PSIP1: variants seen among roughly 807,000 people sequenced by gnomAD.
PSIP1 encodes PC4 and SRSF1 interacting protein 1.
In PSIP1, 19 loss-of-function variants were observed where a neutral mutation model predicts 74.7. The observed-to-expected ratio is 0.25, with a 90% CI of 0.18 to 0.37. PSIP1 has a LOEUF of 0.37. Among genes scored for constraint, PSIP1 ranks in the 10% least tolerant of loss-of-function variants. PSIP1 has a pLI of 1.00. For synonymous variants in PSIP1, 222 were observed against 195.3 expected (o/e 1.14, Z -1.14); for missense variants, 601 against 614.3 (o/e 0.98, Z 0.23).
At chr9:15,503,425 G>A (rs2037436839) in intron 3 of PSIP1, among the ~76,000 whole-genome samples, 1 of 152,014 alleles carries the variant, frequency 6.6e-6, no homozygotes, top group South Asian at 2.1e-4. Context: ...GGGAGGCTAA[G>A]GCAGGAGGAT....
At chr9:15,479,840 G>C (rs2036259584) in intron 6 of PSIP1, among the ~76,000 whole-genome samples, 153 bp from the exon 7 acceptor site, 1 of 151,892 alleles carries the variant, frequency 6.6e-6, no homozygotes, top group Admixed American at 6.6e-5. Context: ...ATCAACTCAA[G>C]AGTAACATCT....
At chr9:15,470,129 C>T in intron 10 of PSIP1, 136 bp from the exon 11 acceptor site, 1 of 668,142 alleles carries the variant, frequency 1.5e-6, no homozygotes, top group South Asian at 1.8e-5. Context: ...GACTGTAGCT[C>T]TTAGAATGGT....
At chr9:15,477,794 A>T (rs1426659673) in intron 8 of PSIP1, among the ~76,000 whole-genome samples, 1 of 152,104 alleles carries the variant, frequency 6.6e-6, no homozygotes, top group Non-Finnish European at 1.5e-5. Flanking sequence ...ACATACAAAA[A>T]TTATTTTAGC....
At chr9:15,472,567 T>C (rs2035885470) in intron 10 of PSIP1, 65 bp downstream of exon 10, 4 of 1,531,656 alleles carry the variant, frequency 2.6e-6, no homozygotes, top group Admixed American at 2.4e-5. Flanking sequence ...TGAAAGTCTA[T>C]TATTTAAAAA....
intron 3 of PSIP1, among the ~76,000 whole-genome samples, chr9:15,493,574 A>G (rs765089765): frequency 5.9e-5 from 9 of 152,186 alleles, no homozygotes; most frequent in Admixed American, 1.3e-4. Context: ...TCACACTGCT[A>G]TGAGGAAATA....
chr9:15,472,004 T>C (rs2132047881), intron 10 of PSIP1: 2 of 974,242 alleles, frequency 2.1e-6, no homozygotes, highest in Non-Finnish European at 2.4e-6. Context: ...CTGTTCATTA[T>C]TATCATTGCT....
rs1273437501 is a variant in PSIP1 at position 15,468,747 on chromosome 9, C to T, written c.1303G>A (p.Val435Met). 6.2e-7 allele frequency: 1 copy of T among 1,613,966 alleles called. No homozygotes were observed. Among genetic ancestry groups the T allele is most frequent in the Non-Finnish European group, 8.5e-7 (1 of 1,179,896 alleles). ...NMFLVGEGDS[V>M]ITQVLNKSLA... ...GATTTATTCAGCACTTGGGTGATCA[C>T]GGAATCTCCTTCACCAACCAAGAAC... The change falls in exon 14 of 16, where the codon GTG becomes ATG. Residue 435 changes from valine (V) to methionine (M), a missense_variant. Around this residue, in one of 2 missense-constraint regions of PSIP1, gnomAD observed 538 missense variants for 507.6 expected, o/e 1.06. Transcript: ENST00000380733.
intron 9 of PSIP1, 140 bp downstream of exon 9, chr9:15,473,869 C>T (rs2035948225): frequency 1.6e-6 from 1 of 609,998 alleles, no homozygotes; most frequent in African/African-American, 2.0e-5. Flanking sequence ...CCACTGCACT[C>T]CAGCCTAAGC....
At chr9:15,506,520 TA>T in intron 3 of PSIP1, 40 bp downstream of exon 3, 4 of 1,420,070 alleles carry the variant, frequency 2.8e-6, no homozygotes, top group Non-Finnish European at 2.0e-6. Flanking sequence ...ATAACCCTGT[TA>T]AATTAGCTCT....
At chr9:15,497,421 A>C (rs987044547) in intron 3 of PSIP1, among the ~76,000 whole-genome samples, 12 of 149,906 alleles carry the variant, frequency 8.0e-5, no homozygotes, top group African/African-American at 3.0e-4. Context: ...CTGCTTCCCA[A>C]GTTCAAACAA....
intron 3 of PSIP1, among the ~76,000 whole-genome samples, chr9:15,504,629 C>T (rs994113813): frequency 3.3e-5 from 5 of 151,284 alleles, no homozygotes; most frequent in East Asian, 1.9e-4. Flanking sequence ...CCCAGCTACT[C>T]GGGAGGCTGA....
At chr9:15,492,390 T>A (rs1350308474) in intron 3 of PSIP1, among the ~76,000 whole-genome samples, 1 of 152,204 alleles carries the variant, frequency 6.6e-6, no homozygotes, top group East Asian at 1.9e-4. Flanking sequence ...CAAAATGATC[T>A]CCTTTGACTG....
intron 3 of PSIP1, 172 bp downstream of exon 3, chr9:15,506,389 C>T (rs906091389): frequency 2.6e-5 from 12 of 470,300 alleles, no homozygotes; most frequent in Non-Finnish European, 3.8e-5. Context: ...AAAAAATAAA[C>T]CTATAGCATC....
At chr9:15,505,800 T>C (rs1406355221) in intron 3 of PSIP1, 1 of 152,234 alleles carries the variant, frequency 6.6e-6, no homozygotes, top group Non-Finnish European at 1.5e-5. Context: ...AAACCAAATA[T>C]TGCCATTGCA....
chr9:15,503,957 A>C (rs2037461943), intron 3 of PSIP1, among the ~76,000 whole-genome samples: 1 of 152,056 alleles, frequency 6.6e-6, no homozygotes, highest in Non-Finnish European at 1.5e-5. Context: ...ATATTGGCCA[A>C]AGTGGTCTTG....
At chr9:15,481,336 G>C (rs1347509246) in intron 6 of PSIP1, among the ~76,000 whole-genome samples, 1 of 152,180 alleles carries the variant, frequency 6.6e-6, no homozygotes, top group Non-Finnish European at 1.5e-5. Flanking sequence ...ATTCTTTGGT[G>C]CAAAGAAGAC....
At chr9:15,499,996 TAAC>T (rs2037257701) in intron 3 of PSIP1, among the ~76,000 whole-genome samples, 1 of 152,256 alleles carries the variant, frequency 6.6e-6, no homozygotes, top group African/African-American at 2.4e-5. Flanking sequence ...ATTCCATTTT[TAAC>T]AACATATTGA....
intron 10 of PSIP1, chr9:15,471,372 T>C: frequency 1.9e-6 from 3 of 1,544,962 alleles, no homozygotes; most frequent in East Asian, 2.3e-5. Flanking sequence ...ATATTAGAAT[T>C]TGAGAAAGTT....
At chr9:15,503,468 G>A (rs1177157406) in intron 3 of PSIP1, among the ~76,000 whole-genome samples, 2 of 152,020 alleles carry the variant, frequency 1.3e-5, no homozygotes, top group African/African-American at 4.8e-5. Flanking sequence ...ACCAGCCTGG[G>A]CCATGTAGCA....
Sources: allele counts gnomAD v4.1 joint callset (sites outside exome capture counted in the v4.1 genomes callset), GRCh38; gene constraint gnomAD v4.1.1; regional missense constraint gnomAD v4.1.1; transcripts MANE v1.5; gene names NCBI Gene and HGNC (gene_info 2026-07-23, HGNC 2026-07-21).